Variants in AFG1L observed in about 807,000 individuals in gnomAD.
AFG1L encodes the protein AFG1-like ATPase.
Under a neutral mutation model 62.2 loss-of-function variants are expected in AFG1L, and 53 were observed. The observed-to-expected ratio is 0.85, with a 90% CI of 0.68 to 1.07. AFG1L has a LOEUF of 1.07. Ranked by LOEUF, AFG1L falls within the 50% of genes least tolerant of loss-of-function variation. AFG1L has a pLI of 0.00. For synonymous variants in AFG1L, 228 were observed against 210.3 expected (o/e 1.08, Z -0.73); for missense variants, 555 against 590.5 (o/e 0.94, Z 0.62).
At chr6:108,417,968 G>A (rs1437166442) in intron 7 of AFG1L, among the ~76,000 whole-genome samples, 20 of 151,986 alleles carry the variant, frequency 1.3e-4, no homozygotes, top group Admixed American at 1.3e-3. Flanking sequence ...CGGGTAGCTG[G>A]GACTACAGGT....
intron 10 of AFG1L, among the ~76,000 whole-genome samples, chr6:108,489,209 A>T (rs1187794324): frequency 6.6e-6 from 1 of 152,198 alleles, no homozygotes; most frequent in East Asian, 1.9e-4. Context: ...GAGAAGAGCA[A>T]ATCAGTGACC....
chr6:108,347,562 TCA>T (rs903096604), intron 3 of AFG1L, among the ~76,000 whole-genome samples: 53 of 152,218 alleles, frequency 3.5e-4, no homozygotes, highest in African/African-American at 1.2e-3. Flanking sequence ...GCAGAAAGAC[TCA>T]CATATTGCTG....
intron 1 of AFG1L, among the ~76,000 whole-genome samples, chr6:108,312,735 T>C (rs767426282): frequency 6.6e-5 from 10 of 152,104 alleles, no homozygotes; most frequent in Non-Finnish European, 1.0e-4. Context: ...ATTAAGATTA[T>C]CTTGCCTGTG....
intron 3 of AFG1L, among the ~76,000 whole-genome samples, chr6:108,354,120 G>A (rs1350687208): frequency 6.6e-6 from 1 of 152,112 alleles, no homozygotes; most frequent in Non-Finnish European, 1.5e-5. Flanking sequence ...GGAATGCCAG[G>A]TACAAACTGA....
chr6:108,391,152 C>G (rs540276174), intron 6 of AFG1L, among the ~76,000 whole-genome samples: 1 of 152,210 alleles, frequency 6.6e-6, no homozygotes, highest in African/African-American at 2.4e-5. Flanking sequence ...GAGGTAGATA[C>G]CCAAGAGTGG....
At chr6:108,316,859 G>A (rs1777625935) in intron 1 of AFG1L, among the ~76,000 whole-genome samples, 1 of 152,030 alleles carries the variant, frequency 6.6e-6, no homozygotes, top group Non-Finnish European at 1.5e-5. Flanking sequence ...AGATATATAT[G>A]TTCTAGAAAG....
intron 2 of AFG1L, among the ~76,000 whole-genome samples, chr6:108,335,169 A>T (rs1328636135): frequency 6.6e-6 from 1 of 151,828 alleles, no homozygotes; most frequent in Non-Finnish European, 1.5e-5. Flanking sequence ...AATTTTTAGT[A>T]GAGATGAGCC....
At chr6:108,389,302 G>A (rs1432474681) in intron 6 of AFG1L, among the ~76,000 whole-genome samples, 1 of 152,118 alleles carries the variant, frequency 6.6e-6, no homozygotes, top group Admixed American at 6.5e-5. Flanking sequence ...CCTGAATACA[G>A]CACACTGATG....
intron 10 of AFG1L, among the ~76,000 whole-genome samples, chr6:108,483,919 G>A (rs1017979814): frequency 1.3e-5 from 2 of 151,888 alleles, no homozygotes; most frequent in Non-Finnish European, 1.5e-5. Flanking sequence ...GTATCCCTTC[G>A]GGAGCTGTTA....
chr6:108,485,645 TATATATA>T (rs1773525545), intron 10 of AFG1L, among the ~76,000 whole-genome samples: 1 of 20,884 alleles, frequency 4.8e-5, no homozygotes, highest in Non-Finnish European at 8.8e-5. Context: ...TATATATATA[TATATATA>T]TATATTTTTT....
chr6:108,307,205 G>C (rs1777231595), intron 1 of AFG1L, among the ~76,000 whole-genome samples: 1 of 151,768 alleles, frequency 6.6e-6, no homozygotes, highest in Non-Finnish European at 1.5e-5. Flanking sequence ...GTAGAGACAG[G>C]GTTTCACAAT....
At chr6:108,344,538 A>T (rs569763049) in intron 2 of AFG1L, among the ~76,000 whole-genome samples, 1 of 152,246 alleles carries the variant, frequency 6.6e-6, no homozygotes, top group East Asian at 1.9e-4. Flanking sequence ...GTATGCTATG[A>T]TCATGCCACT....
At chr6:108,430,202 C>T (rs902401006) in intron 7 of AFG1L, among the ~76,000 whole-genome samples, 4 of 152,146 alleles carry the variant, frequency 2.6e-5, no homozygotes, top group African/African-American at 9.7e-5. Context: ...CCCGCCTTGG[C>T]CTCTAAAGTG....
chr6:108,422,085 A>G (rs1770616984), intron 7 of AFG1L, among the ~76,000 whole-genome samples: 1 of 152,108 alleles, frequency 6.6e-6, no homozygotes. Flanking sequence ...GAAATTATAC[A>G]AAGTAAAATG....
chr6:108,295,204 A>C lies in AFG1L; in HGVS notation c.125A>C (p.Lys42Thr). 6.2e-7 allele frequency: 1 copy of C among 1,604,292 alleles called. No individual in the cohort carries two copies. The change falls in exon 1 of 13, where the codon AAG becomes ACG. Residue 42 changes from lysine (K) to threonine (T), a missense_variant. Coordinates refer to ENST00000368977, the MANE Select transcript of AFG1L (RefSeq NM_145315.5). ...ALAPLATAPG[K>T]PFWKAYTVQT... ...GCTCCTCTGGCCACCGCCCCTGGGAAGCCCTTTTGGAAAGGTCAGTGACTG... is the reference window on the plus strand; with the variant it reads ...GCTCCTCTGGCCACCGCCCCTGGGACGCCCTTTTGGAAAGGTCAGTGACTG...
rs182559606 is a variant in AFG1L at position 108,299,480 on chromosome 6, G to T, written c.139+4262G>T. The stretch of plus-strand genomic sequence containing the variant: ...ATGAAACTAAATGATAGGGCCAAAG[G>T]ATTTTAGAGGGATATTCAATATGGG... On this transcript the variant is annotated intron_variant, in intron 1 of 12. Transcript: ENST00000368977. Among the ~76,000 whole-genome samples the T allele has an allele frequency of 3.3e-4, 50 of 152,202 alleles. No individual in the cohort carries two copies. The East Asian group carries it at 9.5e-3, about 29-fold the overall frequency.
chr6:108,296,267 G>T (rs916427336), intron 1 of AFG1L, among the ~76,000 whole-genome samples: 2 of 152,158 alleles, frequency 1.3e-5, no homozygotes, highest in African/African-American at 4.8e-5. Context: ...TGATCTGCTG[G>T]AGTAGTCGTT....
intron 6 of AFG1L, among the ~76,000 whole-genome samples, chr6:108,378,777 C>T (rs1162348261): frequency 6.6e-6 from 1 of 151,970 alleles, no homozygotes; most frequent in Non-Finnish European, 1.5e-5. Flanking sequence ...GACCCTGGCA[C>T]TTCTGATTTT....
At chr6:108,433,983 C>T (rs553267170) in intron 7 of AFG1L, among the ~76,000 whole-genome samples, 4 of 152,316 alleles carry the variant, frequency 2.6e-5, no homozygotes, top group East Asian at 1.9e-4. Context: ...ATGGCCATCC[C>T]GCAGGCTGGG....
Sources: gnomAD v4.1 joint callset for allele counts (sites outside exome capture counted in the v4.1 genomes callset) on GRCh38, gnomAD v4.1.1 for gene constraint, MANE v1.5 for transcripts, NCBI Gene and HGNC (gene_info 2026-07-23, HGNC 2026-07-21) for gene names.